Variants in GRXCR1 observed in about 807,000 individuals in gnomAD.
GRXCR1 encodes glutaredoxin domain-containing cysteine-rich protein 1.
A neutral mutation model predicts 27.3 loss-of-function variants in GRXCR1; 27 were observed. The observed-to-expected ratio is 0.99, with a 90% CI of 0.73 to 1.37. The LOEUF (loss-of-function observed/expected upper bound fraction) is 1.37. Among genes scored for constraint, GRXCR1 ranks in the 40% most tolerant of loss-of-function variants. The pLI is 0.00. For synonymous variants in GRXCR1, 122 were observed against 131.1 expected, an observed-to-expected ratio of 0.93 and a Z score of 0.47; for missense variants, 379 against 354.4, an observed-to-expected ratio of 1.07 and a Z score of -0.56.
At chr4:42,926,485 G>A (rs186498880) in intron 1 of GRXCR1, among the ~76,000 whole-genome samples, 1 of 147,036 alleles carries the variant, frequency 6.8e-6, no homozygotes, top group Non-Finnish European at 1.5e-5. Context: ...TCACAGATTT[G>A]GGAATACTGT....
intron 1 of GRXCR1, among the ~76,000 whole-genome samples, chr4:42,935,594 T>G (rs897001707): frequency 6.6e-6 from 1 of 151,752 alleles, no homozygotes; most frequent in Non-Finnish European, 1.5e-5. Context: ...AAAATTAAGA[T>G]CCAGATATAC....
At chr4:42,915,409 C>A (rs192021523) in intron 1 of GRXCR1, among the ~76,000 whole-genome samples, 1 of 152,270 alleles carries the variant, frequency 6.6e-6, no homozygotes. Flanking sequence ...GATTTGGAAT[C>A]AATTAGGGTG....
intron 1 of GRXCR1, among the ~76,000 whole-genome samples, chr4:42,942,574 C>T (rs1030380526): frequency 6.6e-6 from 1 of 152,114 alleles, no homozygotes; most frequent in African/African-American, 2.4e-5. Context: ...GGTGAAAACA[C>T]TGCAAGCCTT....
intron 2 of GRXCR1, among the ~76,000 whole-genome samples, chr4:43,000,764 C>T (rs913436395): frequency 6.6e-6 from 1 of 151,970 alleles, no homozygotes; most frequent in Non-Finnish European, 1.5e-5. Context: ...AATGTATCCT[C>T]CAGAGAAGGG....
intron 2 of GRXCR1, among the ~76,000 whole-genome samples, chr4:42,979,153 G>T (rs1439905942): frequency 6.6e-6 from 1 of 151,878 alleles, no homozygotes; most frequent in African/African-American, 2.4e-5. Flanking sequence ...CTTCCTTTCT[G>T]ATTTGAATGC....
intron 1 of GRXCR1, among the ~76,000 whole-genome samples, chr4:42,945,286 A>G (rs1747717236): frequency 6.6e-6 from 1 of 152,186 alleles, no homozygotes; most frequent in Non-Finnish European, 1.5e-5. Context: ...AAGCTGACTC[A>G]GACAGTTGCT....
At chr4:43,009,492 T>C (rs1173646674) in intron 2 of GRXCR1, among the ~76,000 whole-genome samples, 1 of 152,148 alleles carries the variant, frequency 6.6e-6, no homozygotes, top group East Asian at 1.9e-4. Context: ...TATTAGTCCA[T>C]TAGGGCTGCT....
intron 1 of GRXCR1, among the ~76,000 whole-genome samples, chr4:42,922,481 G>T (rs1184391402): frequency 6.6e-6 from 1 of 152,150 alleles, no homozygotes; most frequent in African/African-American, 2.4e-5. Flanking sequence ...AGCCCATGAG[G>T]CTCTGGAAGC....
intron 2 of GRXCR1, among the ~76,000 whole-genome samples, chr4:43,002,369 A>G (rs998090625): frequency 3.9e-5 from 6 of 152,010 alleles, no homozygotes; most frequent in Non-Finnish European, 4.4e-5. Flanking sequence ...TATTGAGACT[A>G]GAGAATGGCG....
intron 1 of GRXCR1, among the ~76,000 whole-genome samples, chr4:42,902,968 CTA>C (rs1353609504): frequency 6.6e-6 from 1 of 152,130 alleles, no homozygotes; most frequent in African/African-American, 2.4e-5. Context: ...AGGGAAATAA[CTA>C]TGATCTCAGA....
intron 2 of GRXCR1, among the ~76,000 whole-genome samples, chr4:43,014,560 C>T (rs1314636297): frequency 6.6e-6 from 1 of 152,122 alleles, no homozygotes; most frequent in Non-Finnish European, 1.5e-5. Context: ...GAGAGTGCAG[C>T]CTCCAGTGGT....
chr4:43,010,403 C>CA (rs57753561), intron 2 of GRXCR1, among the ~76,000 whole-genome samples: 9,599 of 111,112 alleles, frequency 0.086, 892 homozygotes, highest in African/African-American at 0.25. Context: ...AACTCCATCT[C>CA]AAAAAAAAAA....
Position 42,934,418 on chromosome 4 carries a change from C to CA in GRXCR1, c.385-28473dup, listed in dbSNP as rs1747408968. Among the ~76,000 whole-genome samples the CA allele has an allele frequency of 6.6e-5, 10 of 151,882 alleles. No individual in the cohort carries two copies. In the South Asian group the frequency reaches 2.1e-3, roughly 31 times the overall value. On this transcript the variant is annotated intron_variant, in intron 1 of 3. Coordinates refer to ENST00000399770, the MANE Select transcript of GRXCR1 (RefSeq NM_001080476.3). ...CCTCTGCACCACACACACACACTCA[C>CA]AGAGTTTCTCTCTCTTCTTTTATGC...
intron 2 of GRXCR1, 47 bp downstream of exon 2, chr4:42,963,181 G>T (rs779903010): frequency 6.2e-7 from 1 of 1,600,538 alleles, no homozygotes; most frequent in Non-Finnish European, 8.6e-7. Context: ...CCCAACCAGG[G>T]CTGATAGAAA....
chr4:42,973,970 T>C (rs1049947523), intron 2 of GRXCR1, among the ~76,000 whole-genome samples: 5 of 152,126 alleles, frequency 3.3e-5, no homozygotes, highest in African/African-American at 7.2e-5. Flanking sequence ...CACAAACAAA[T>C]TGGTGGCTAT....
intron 2 of GRXCR1, among the ~76,000 whole-genome samples, chr4:42,981,320 T>C (rs963967717): frequency 1.3e-5 from 2 of 152,150 alleles, no homozygotes; most frequent in African/African-American, 2.4e-5. Flanking sequence ...AGAAAACCTC[T>C]CCAATTTTAC....
chr4:42,913,376 G>C (rs1469651477), intron 1 of GRXCR1, among the ~76,000 whole-genome samples: 1 of 152,196 alleles, frequency 6.6e-6, no homozygotes, highest in Non-Finnish European at 1.5e-5. Context: ...GGGGGTCTCA[G>C]ATGGAGATGA....
intron 1 of GRXCR1, among the ~76,000 whole-genome samples, chr4:42,950,469 CA>C (rs1286510673): frequency 6.6e-6 from 1 of 152,062 alleles, no homozygotes; most frequent in Non-Finnish European, 1.5e-5. Flanking sequence ...CAGAGATTAG[CA>C]AAATGTAAAA....
chr4:42,972,562 A>G (rs1326220215), intron 2 of GRXCR1, among the ~76,000 whole-genome samples: 1 of 152,174 alleles, frequency 6.6e-6, no homozygotes, highest in Non-Finnish European at 1.5e-5. Context: ...AGTCATAAGA[A>G]CAATGACAAT....
Sources: allele counts gnomAD v4.1 joint callset (sites outside exome capture counted in the v4.1 genomes callset), GRCh38; gene constraint gnomAD v4.1.1; transcripts MANE v1.5; gene names NCBI Gene and HGNC (gene_info 2026-07-23, HGNC 2026-07-21).